WWC2: variants seen among roughly 807,000 people sequenced by gnomAD.
WWC2 encodes protein WWC2.
In WWC2, 101 loss-of-function variants were observed where a neutral mutation model predicts 138.5. The ratio of observed to expected loss-of-function variants is 0.73; its 90% CI spans 0.62 to 0.86. WWC2 has a LOEUF of 0.86. Ranked by LOEUF, WWC2 falls within the 40% of genes least tolerant of loss-of-function variation. The probability of loss-of-function intolerance (pLI) is 0.00; values close to 1 mark genes in which losing one functional copy is unlikely to be tolerated. For missense variants in WWC2, 1,420 were observed against 1,419.4 expected (o/e 1.00, Z -0.01); for synonymous variants, 558 against 538.4 (o/e 1.04, Z -0.50).
intron 1 of WWC2, among the ~76,000 whole-genome samples, chr4:183,167,859 A>ATTTT (rs11389702): frequency 7.1e-6 from 1 of 141,516 alleles, no homozygotes; most frequent in Admixed American, 7.1e-5. Context: ...GAAGTTTGTG[A>ATTTT]TTTTTTTTTT....
intron 1 of WWC2, among the ~76,000 whole-genome samples, chr4:183,110,243 T>G (rs1732191189): frequency 6.6e-6 from 1 of 152,194 alleles, no homozygotes; most frequent in South Asian, 2.1e-4. Context: ...ACCATAGTTG[T>G]TTGTTTATAC....
intron 4 of WWC2, among the ~76,000 whole-genome samples, chr4:183,222,011 A>G (rs1288511611): frequency 3.3e-5 from 5 of 152,222 alleles, no homozygotes; most frequent in African/African-American, 7.2e-5. Flanking sequence ...ATGTCTATCA[A>G]TAGATAAATG....
At chr4:183,256,412 C>A (rs1348168285) in intron 9 of WWC2, among the ~76,000 whole-genome samples, 2 of 152,122 alleles carry the variant, frequency 1.3e-5, no homozygotes, top group African/African-American at 4.8e-5. Context: ...TTTGCTGTTG[C>A]TATTATGGTT....
Position 183,261,496 on chromosome 4 carries a change from G to C in WWC2, c.1873G>C (p.Glu625Gln), listed in dbSNP as rs977659625. The C allele has an allele frequency of 5.0e-6, 8 of 1,612,640 alleles. No homozygotes were observed. The highest frequency in any genetic ancestry group is 5.9e-6 in the Non-Finnish European group (7 of 1,179,440). Residue 625 changes from glutamate (E) to glutamine (Q), a missense_variant, in exon 11 of 23, where the codon GAA becomes CAA. Transcript: ENST00000403733. The part of the protein sequence containing the change: ...QSLSEDKDLN[E>Q]CAREPLYEGT... ...TCTTTCAGAGGATAAAGACCTTAAT[G>C]AATGTGCTAGGGAGCCATTATATGA...
chr4:183,189,910 A>T (rs1284119964), intron 1 of WWC2, among the ~76,000 whole-genome samples: 1 of 152,194 alleles, frequency 6.6e-6, no homozygotes, highest in Admixed American at 6.5e-5. Context: ...GTGGCATCTC[A>T]TGTCGTAGGA....
chr4:183,136,308 T>C (rs1459217244), intron 1 of WWC2, among the ~76,000 whole-genome samples: 2 of 152,202 alleles, frequency 1.3e-5, no homozygotes, highest in Non-Finnish European at 2.9e-5. Flanking sequence ...CTTTTGGGGC[T>C]TCCTTTTGGA....
chr4:183,276,486 T>C (rs1406450773), intron 16 of WWC2, among the ~76,000 whole-genome samples: 2 of 152,106 alleles, frequency 1.3e-5, no homozygotes. Flanking sequence ...GATTATAGCA[T>C]GAGTTCTTAA....
chr4:183,157,561 C>T (rs556144118), intron 1 of WWC2, among the ~76,000 whole-genome samples: 163 of 152,160 alleles, frequency 1.1e-3, no homozygotes, highest in Admixed American at 1.0e-3. Context: ...AGTGCAGTGG[C>T]GCAATCTCAG....
intron 1 of WWC2, among the ~76,000 whole-genome samples, chr4:183,106,794 G>A (rs935980383): frequency 3.9e-5 from 6 of 152,088 alleles, no homozygotes; most frequent in Non-Finnish European, 8.8e-5. Context: ...ATTCGATTGT[G>A]TAGATATACC....
intron 1 of WWC2, among the ~76,000 whole-genome samples, chr4:183,177,148 GT>G (rs1348591717): frequency 6.6e-6 from 1 of 152,174 alleles, no homozygotes; most frequent in Admixed American, 6.5e-5. Context: ...GAAATCAACT[GT>G]ATGCCATGAT....
chr4:183,147,169 T>C (rs945316361), intron 1 of WWC2, among the ~76,000 whole-genome samples: 1 of 152,198 alleles, frequency 6.6e-6, no homozygotes, highest in African/African-American at 2.4e-5. Flanking sequence ...AGTCTCAACT[T>C]TTCTGAAAAG....
rs927387838 is a variant in WWC2 at position 183,318,554 on chromosome 4, A to G, written c.*2825A>G. 1.3e-5 allele frequency: 2 copies of G among 151,398 alleles called. No individual in the cohort carries two copies. The highest frequency in any genetic ancestry group is 3.0e-5 in the Non-Finnish European group (2 of 67,772). The allele number at this position is 151,398 out of a possible 1,614,324, so 9.4% of individuals were successfully genotyped here. A position where few individuals can be genotyped will look rare whatever the true frequency, so the allele number is the denominator to read the frequency against. On this transcript the variant is annotated 3_prime_UTR_variant, in exon 23 of 23. Transcript: ENST00000403733. ...CTAATACTCTATTTCAGTGTCGTTT[A>G]TTGTTCAGTTTATTTCCCTGATTGG...
intron 21 of WWC2, among the ~76,000 whole-genome samples, chr4:183,302,670 C>T (rs142962524): frequency 5.8e-4 from 89 of 152,274 alleles, no homozygotes; most frequent in African/African-American, 2.1e-3. Flanking sequence ...CTTAGAATGC[C>T]TTCTCTTAAA....
chr4:183,182,025 AATATT>A (rs1734647364), intron 1 of WWC2, among the ~76,000 whole-genome samples: 1 of 152,190 alleles, frequency 6.6e-6, no homozygotes, highest in African/African-American at 2.4e-5. Context: ...TTTTGTACAT[AATATT>A]ATATCTACAT....
intron 16 of WWC2, among the ~76,000 whole-genome samples, chr4:183,277,803 C>T (rs1400369490): frequency 2.7e-5 from 4 of 149,394 alleles, no homozygotes; most frequent in African/African-American, 7.4e-5. Flanking sequence ...CTGTTCATGT[C>T]CTTCGCCCAC....
intron 15 of WWC2, among the ~76,000 whole-genome samples, chr4:183,270,409 A>T (rs1737661326): frequency 6.6e-6 from 1 of 150,768 alleles, no homozygotes; most frequent in South Asian, 2.1e-4. Flanking sequence ...TGGAGTTTTT[A>T]TTTTTTTTTC....
intron 1 of WWC2, among the ~76,000 whole-genome samples, chr4:183,101,037 C>A (rs1171453869): frequency 6.6e-6 from 1 of 152,220 alleles, no homozygotes; most frequent in East Asian, 1.9e-4. Flanking sequence ...TAGTAAATGT[C>A]AGTGCTGATG....
In WWC2 at chr4:183,245,503, G is replaced by T. The variant is rs752535822; in HGVS notation, c.690G>T (p.Lys230Asn). The T allele has an allele frequency of 3.1e-6, 5 of 1,607,176 alleles. No homozygotes were observed. Among genetic ancestry groups the T allele is most frequent in the Non-Finnish European group, 4.2e-6 (5 of 1,177,126 alleles). ...TAACAGAACTAAAATCTATCAGAAA[G>T]GCAATTAGCTCAGGAGAAAAAGAAA... ...AILTELKSIR[K>N]AISSGEKEKQ... The change falls in exon 6 of 23, where the codon AAG becomes AAT. Residue 230 changes from lysine to asparagine, a missense_variant. Physicochemically the swap from Lys to Asn is moderately conservative, Grantham distance 94 (BLOSUM62 0). Coordinates refer to ENST00000403733, the MANE Select transcript of WWC2 (RefSeq NM_024949.6).
intron 21 of WWC2, among the ~76,000 whole-genome samples, chr4:183,293,141 G>A (rs1052702727): frequency 1.9e-4 from 29 of 152,146 alleles, no homozygotes; most frequent in African/African-American, 7.0e-4. Context: ...TTTTAGTAGA[G>A]ACAGGGTTTT....
Sources: allele counts gnomAD v4.1 joint callset (sites outside exome capture counted in the v4.1 genomes callset), GRCh38; gene constraint gnomAD v4.1.1; transcripts MANE v1.5; gene names NCBI Gene and HGNC (gene_info 2026-07-23, HGNC 2026-07-21).